ZC3H14: variants seen among roughly 807,000 people sequenced by gnomAD.
ZC3H14 encodes zinc finger CCCH domain-containing protein 14.
A neutral mutation model predicts 92.4 loss-of-function variants in ZC3H14; 31 were observed. That is an observed-to-expected ratio of 0.34 (90% CI 0.25 to 0.45). The LOEUF is 0.45. Among genes scored for constraint, ZC3H14 ranks in the 20% least tolerant of loss-of-function variants. The probability of loss-of-function intolerance (pLI) is 1.00; values close to 1 mark genes in which losing one functional copy is unlikely to be tolerated. For synonymous variants in ZC3H14, 321 were observed against 300.9 expected (o/e 1.07, Z -0.69); for missense variants, 781 against 897.3 (o/e 0.87, Z 1.66).
At chr14:88,584,686 A>G (rs1410362888) in intron 9 of ZC3H14, among the ~76,000 whole-genome samples, 1 of 152,220 alleles carries the variant, frequency 6.6e-6, no homozygotes, top group East Asian at 1.9e-4. Context: ...TCAGCTCTCC[A>G]GTAAATTGTG....
chr14:88,617,001 A>G lies in ZC3H14; in HGVS notation c.*5250A>G, dbSNP rs1255402497. The stretch of plus-strand genomic sequence containing the variant: ...TCATGTTACTTAAAATACAGGAAGT[A>G]AATTATGGTAAGTTGTTTGGAGACC... On this transcript the variant is annotated 3_prime_UTR_variant, in exon 17 of 17. Coordinates refer to ENST00000251038, the MANE Select transcript of ZC3H14 (RefSeq NM_024824.5). 1 of 849,626 alleles carries G rather than the reference A, an allele frequency of 1.2e-6. No individual in the cohort carries two copies. Among genetic ancestry groups the G allele is most frequent in the Non-Finnish European group, 1.8e-6 (1 of 566,692 alleles). 52.6% of individuals were successfully genotyped at this position (849,626 alleles called of 1,614,324 possible).
At chr14:88,599,553 C>T (rs1463389068) in intron 10 of ZC3H14, among the ~76,000 whole-genome samples, 4 of 152,146 alleles carry the variant, frequency 2.6e-5, no homozygotes, top group African/African-American at 9.7e-5. Flanking sequence ...GACCGGTGCA[C>T]GCTTTCCTCA....
In ZC3H14 at chr14:88,622,824, C is replaced by A; in HGVS notation, c.*11073C>A. 1.6e-6 allele frequency: 1 copy of A among 618,326 alleles called. No individual in the cohort carries two copies. Among genetic ancestry groups the A allele is most frequent in the Non-Finnish European group, 2.5e-6 (1 of 398,196 alleles). The allele number at this position is 618,326 out of a possible 1,614,324, so 38.3% of individuals were successfully genotyped here. ...CAGAATCTTTTTTTTTTAAAAAGGC[C>A]CTGATATTTATAATTTACCTCTAAT... On this transcript the variant is annotated 3_prime_UTR_variant, in exon 17 of 17. Transcript: ENST00000251038.
chr14:88,595,167 C>T (rs1378347671), intron 9 of ZC3H14: 1 of 1,595,314 alleles, frequency 6.3e-7, no homozygotes, highest in African/African-American at 1.3e-5. Context: ...CTGTATCTTT[C>T]CACGTATGTT....
At chr14:88,589,958 C>T (rs1482391374) in intron 9 of ZC3H14, 4 of 152,360 alleles carry the variant, frequency 2.6e-5, no homozygotes, top group East Asian at 1.9e-4. Flanking sequence ...AGTGAAACCC[C>T]GTCTCTACTA....
intron 9 of ZC3H14, among the ~76,000 whole-genome samples, chr14:88,579,208 C>T (rs1161427970): frequency 6.6e-6 from 1 of 152,044 alleles, no homozygotes; most frequent in Non-Finnish European, 1.5e-5. Flanking sequence ...CTTATGATTT[C>T]AGAATTGTCA....
chr14:88,619,359 C>CG lies in ZC3H14; in HGVS notation c.*7608_*7609insG, dbSNP rs1193104911. ...CAGCATGGGCAACAAGAGCAAAACT[C>CG]CAACTCAAAACAAAACAAAACAAAA... On this transcript the variant is annotated 3_prime_UTR_variant, in exon 17 of 17. Transcript: ENST00000251038. 3 of 152,362 alleles carry CG rather than the reference C, an allele frequency of 2.0e-5. No homozygotes were observed. The highest frequency in any genetic ancestry group is 2.9e-5 in the Non-Finnish European group (2 of 68,200). The allele number at this position is 152,362 out of a possible 1,614,324, so 9.4% of individuals were successfully genotyped here. A position where few individuals can be genotyped will look rare whatever the true frequency, so the allele number is the denominator to read the frequency against.
chr14:88,563,718 C>T, intron 2 of ZC3H14, 25 bp downstream of exon 2: 1 of 1,607,992 alleles, frequency 6.2e-7, no homozygotes, highest in Non-Finnish European at 8.5e-7. Context: ...GGTTGTTAGT[C>T]TTACAGAATT....
chr14:88,564,651 G>A (rs1056170173), intron 2 of ZC3H14, among the ~76,000 whole-genome samples: 4 of 152,142 alleles, frequency 2.6e-5, no homozygotes, highest in Middle Eastern at 3.2e-3. Flanking sequence ...AAACTTGTCA[G>A]CATAGTAACA....
Position 88,620,455 on chromosome 14 carries a change from T to C in ZC3H14, c.*8704T>C, listed in dbSNP as rs1296287617. ...TTTTGAAGGGCAGATAGCTCTCTTG[T>C]ATTACAGTGGGAGATACCTCTTGGT... On this transcript the variant is annotated 3_prime_UTR_variant, in exon 17 of 17. Coordinates refer to ENST00000251038, the MANE Select transcript of ZC3H14 (RefSeq NM_024824.5). The surrounding 1 kb of genome is among the most constrained non-coding windows in gnomAD (Gnocchi z 4.3). 1 of 240,306 alleles carries C rather than the reference T, an allele frequency of 4.2e-6. No individual in the cohort carries two copies. Among genetic ancestry groups the C allele is most frequent in the Non-Finnish European group, 7.9e-6 (1 of 126,750 alleles). The allele number at this position is 240,306 out of a possible 1,614,324, so 14.9% of individuals were successfully genotyped here.
chr14:88,622,740 AG>A lies in ZC3H14; in HGVS notation c.*10990del. 6.5e-7 allele frequency: 1 copy of A among 1,541,862 alleles called. No individual in the cohort carries two copies. Among genetic ancestry groups the A allele is most frequent in the African/African-American group, 1.4e-5 (1 of 72,702 alleles). On this transcript the variant is annotated 3_prime_UTR_variant, in exon 17 of 17. Coordinates refer to ENST00000251038, the MANE Select transcript of ZC3H14 (RefSeq NM_024824.5). ...TGACCTAAGTAAATAACCAAGCCAGAGTAAGTGTTCATTATTGGCTACTATA... is the reference window on the plus strand; with the variant it reads ...TGACCTAAGTAAATAACCAAGCCAGATAAGTGTTCATTATTGGCTACTATA...
At chr14:88,609,906 C>G in intron 15 of ZC3H14, 103 bp downstream of exon 15, 3 of 1,237,452 alleles carry the variant, frequency 2.4e-6, no homozygotes, top group Non-Finnish European at 3.5e-6. Flanking sequence ...AAAGTAATTG[C>G]GATTTTTGCC....
intron 9 of ZC3H14, among the ~76,000 whole-genome samples, chr14:88,580,130 G>C (rs572903031): frequency 6.6e-6 from 1 of 152,030 alleles, no homozygotes; most frequent in Non-Finnish European, 1.5e-5. Context: ...GGGAGGCTGA[G>C]GTGGGAGGAT....
At chr14:88,591,234 T>G (rs979085299) in intron 9 of ZC3H14, 2 of 152,182 alleles carry the variant, frequency 1.3e-5, no homozygotes, top group African/African-American at 4.8e-5. Context: ...GGTCAGGAGT[T>G]CGAGACCAGC....
intron 2 of ZC3H14, among the ~76,000 whole-genome samples, 177 bp downstream of exon 2, chr14:88,563,870 T>TC (rs1595451283): frequency 6.6e-6 from 1 of 152,338 alleles, no homozygotes; most frequent in African/African-American, 2.4e-5. Flanking sequence ...TTGTTTTTTT[T>TC]CTCCCAAACC....
rs369940720 is a variant in ZC3H14 at position 88,563,084 on chromosome 14, C to T, written c.-50C>T. On this transcript the variant is annotated 5_prime_UTR_variant, in exon 1 of 17. Coordinates refer to ENST00000251038, the MANE Select transcript of ZC3H14 (RefSeq NM_024824.5). ...CGGGGTAGGAGTCCGCGGCAGCCTC[C>T]GGGTAAGCCAAGCGCCGCGCAGTGC... 34 of 1,555,384 alleles carry T rather than the reference C, an allele frequency of 2.2e-5. No individual in the cohort carries two copies. Among genetic ancestry groups the T allele is most frequent in the South Asian group, 5.9e-5 (5 of 85,000 alleles).
At position 88,623,337 on chromosome 14, in the gene ZC3H14, G is replaced by A. The variant is rs2089396648; in HGVS notation, c.*11586G>A. 1 of 151,818 alleles carries A rather than the reference G, an allele frequency of 6.6e-6. No homozygotes were observed. The highest frequency in any genetic ancestry group is 1.5e-5 in the Non-Finnish European group (1 of 67,944). The allele number at this position is 151,818 out of a possible 1,614,324, so 9.4% of individuals were successfully genotyped here. On this transcript the variant is annotated 3_prime_UTR_variant, in exon 17 of 17. Coordinates refer to ENST00000251038, the MANE Select transcript of ZC3H14 (RefSeq NM_024824.5). The stretch of plus-strand genomic sequence containing the variant: ...TGGCCTCATAATACTTCTTGATTAG[G>A]AAGATGTAAAAAAACAATTTTATTA...
rs751647959 is a variant in ZC3H14 at position 88,571,070 on chromosome 14, GT to G, written c.195-7del. The G allele has an allele frequency of 9.2e-6, 14 of 1,528,034 alleles. No individual in the cohort carries two copies. In the African/African-American group the frequency reaches 1.2e-4, roughly 14 times the overall value. 94.7% of individuals were successfully genotyped at this position (1,528,034 alleles called of 1,614,324 possible). A position where few individuals can be genotyped will look rare whatever the true frequency, so the allele number is the denominator to read the frequency against. On this transcript the variant is annotated splice_polypyrimidine_tract_variant and intron_variant, in intron 3 of 16. Transcript: ENST00000251038. ...AACAGAAGGTTTATTTTTGTTTTTT[GT>G]TTTTTTCCTCAGGCTTCATGGTGTA...
chr14:88,585,451 A>G (rs1432822327), intron 9 of ZC3H14, among the ~76,000 whole-genome samples: 1 of 149,636 alleles, frequency 6.7e-6, no homozygotes, highest in Non-Finnish European at 1.5e-5. Context: ...ATCTCGGCTC[A>G]CCGCAACCTC....
Sources: allele counts gnomAD v4.1 joint callset (sites outside exome capture counted in the v4.1 genomes callset), GRCh38; gene constraint gnomAD v4.1.1; non-coding constraint Gnocchi (gnomAD v3.1); transcripts MANE v1.5; gene names NCBI Gene and HGNC (gene_info 2026-07-23, HGNC 2026-07-21).